SCARB1: variants seen among roughly 807,000 people sequenced by gnomAD.
SCARB1 encodes scavenger receptor class B member 1.
SCARB1 carries 30 observed loss-of-function variants against 57.2 expected under a neutral mutation model. The ratio of observed to expected loss-of-function variants is 0.52; its 90% CI spans 0.39 to 0.71. SCARB1 has a LOEUF of 0.71. Among genes scored for constraint, SCARB1 ranks in the 30% least tolerant of loss-of-function variants. The pLI is 0.00. For synonymous variants in SCARB1, 249 were observed against 268.3 expected (o/e 0.93, Z 0.70); for missense variants, 543 against 671.2 (o/e 0.81, Z 2.11).
intron 1 of SCARB1, among the ~76,000 whole-genome samples, chr12:124,855,636 G>A (rs775103090): frequency 2.0e-5 from 3 of 152,076 alleles, no homozygotes; most frequent in African/African-American, 2.4e-5. Flanking sequence ...TGAATTCTCC[G>A]CACAATTAAT....
Position 124,800,105 on chromosome 12 carries a change from G to A in SCARB1, c.1128+19C>T. 10 of 1,575,516 alleles carry A rather than the reference G, an allele frequency of 6.3e-6. No homozygotes were observed. The highest frequency in any genetic ancestry group is 1.4e-5 in the African/African-American group (1 of 73,994). On this transcript the variant is annotated intron_variant, in intron 8 of 12. Transcript: ENST00000261693. The surrounding 1 kb of genome is among the most constrained non-coding windows in gnomAD (Gnocchi z 4.8). ...AACCAGGAATCACCCACCCCCCACAGAGGATGGCAGGGGCTCACCGGGTGG... is the reference window on the plus strand; with the variant it reads ...AACCAGGAATCACCCACCCCCCACAAAGGATGGCAGGGGCTCACCGGGTGG...
intron 1 of SCARB1, among the ~76,000 whole-genome samples, chr12:124,858,702 A>G (rs10773114): frequency 0.61 from 92,077 of 151,488 alleles, 28,146 homozygotes; most frequent in East Asian, 0.7. Flanking sequence ...AAACAGTGAA[A>G]CCCCGTCTCC....
chr12:124,861,876 G>GCACACA (rs113876811), intron 1 of SCARB1, among the ~76,000 whole-genome samples: 15,898 of 151,392 alleles, frequency 0.11, 921 homozygotes, highest in Middle Eastern at 0.24. Flanking sequence ...CATGTGTGGT[G>GCACACA]CACACACACA....
rs1416604903 is a variant in SCARB1 at position 124,789,835 on chromosome 12, AC to A, written c.1203-2379del. Among the ~76,000 whole-genome samples the A allele has an allele frequency of 6.6e-6, 1 of 151,554 alleles. No homozygotes were observed. The highest frequency in any genetic ancestry group is 2.4e-5 in the African/African-American group (1 of 41,178). ...AGACCATCCTGGGCAACATGGTGAAACCCCATCTCTACTAAAAATATAAAAA... is the reference window on the plus strand; with the variant it reads ...AGACCATCCTGGGCAACATGGTGAAACCCATCTCTACTAAAAATATAAAAA... On this transcript the variant is annotated intron_variant, in intron 9 of 12. Coordinates refer to ENST00000261693, the MANE Select transcript of SCARB1 (RefSeq NM_005505.5). This position sits in a 1 kb window ranked among gnomAD's most constrained non-coding sequence, Gnocchi z 4.4.
chr12:124,838,946 T>C (rs1951801815), intron 1 of SCARB1, among the ~76,000 whole-genome samples: 2 of 152,122 alleles, frequency 1.3e-5, no homozygotes, highest in African/African-American at 4.8e-5. Context: ...GGCTAATTTT[T>C]GTATTTTTAG....
chr12:124,854,845 G>A (rs183305871), intron 1 of SCARB1, among the ~76,000 whole-genome samples: 1 of 152,264 alleles, frequency 6.6e-6, no homozygotes, highest in Non-Finnish European at 1.5e-5. Context: ...TTGACCCCGA[G>A]TTGAGATACG....
At chr12:124,803,710 AAAAAAT>A (rs1950220495) in intron 7 of SCARB1, among the ~76,000 whole-genome samples, 2 of 146,930 alleles carry the variant, frequency 1.4e-5, no homozygotes, top group South Asian at 2.2e-4. Flanking sequence ...AAAAAAAAAA[AAAAAAT>A]TGAAATAAGA....
At chr12:124,861,105 A>G (rs1952881429) in intron 1 of SCARB1, among the ~76,000 whole-genome samples, 2 of 152,154 alleles carry the variant, frequency 1.3e-5, no homozygotes, top group African/African-American at 4.8e-5. Flanking sequence ...ACGAGCAAGT[A>G]TTCATATATT....
Position 124,789,346 on chromosome 12 carries a change from T to C in SCARB1, c.1203-1889A>G, listed in dbSNP as rs770821475. ...ATACCTGACCAGTGCTTCTCAAAAG[T>C]GTCACTGTCATCAAAATGAAGGAGA... On this transcript the variant is annotated intron_variant, in intron 9 of 12. Transcript: ENST00000261693. This position sits in a 1 kb window ranked among gnomAD's most constrained non-coding sequence, Gnocchi z 4.4. Among the ~76,000 whole-genome samples, 1 of 152,164 alleles carries C rather than the reference T, an allele frequency of 6.6e-6. No individual in the cohort carries two copies. The highest frequency in any genetic ancestry group is 1.5e-5 in the Non-Finnish European group (1 of 68,036).
At chr12:124,857,349 G>C (rs1293709914) in intron 1 of SCARB1, among the ~76,000 whole-genome samples, 2 of 152,250 alleles carry the variant, frequency 1.3e-5, no homozygotes. Flanking sequence ...CCCATTGACT[G>C]TTATCTCCCA....
intron 7 of SCARB1, among the ~76,000 whole-genome samples, chr12:124,802,952 G>A (rs567786795): frequency 2.0e-5 from 3 of 152,172 alleles, no homozygotes; most frequent in African/African-American, 4.8e-5. Context: ...GGTCACGGTC[G>A]AAAAACAGGA....
intron 1 of SCARB1, among the ~76,000 whole-genome samples, chr12:124,824,813 T>C (rs1951073375): frequency 6.6e-6 from 1 of 152,234 alleles, no homozygotes; most frequent in Admixed American, 6.5e-5. Flanking sequence ...GGCCACGACC[T>C]GCACACCCAC....
chr12:124,838,433 G>T (rs1452285317), intron 1 of SCARB1, among the ~76,000 whole-genome samples: 3 of 152,188 alleles, frequency 2.0e-5, no homozygotes, highest in Non-Finnish European at 2.9e-5. Flanking sequence ...ACATGCCTCA[G>T]GGAACTATTG....
chr12:124,860,191 A>T (rs545736258), intron 1 of SCARB1, among the ~76,000 whole-genome samples: 2 of 152,144 alleles, frequency 1.3e-5, no homozygotes, highest in African/African-American at 2.4e-5. Flanking sequence ...ACCTCAGGTG[A>T]TCCGGTGAAT....
Position 124,817,764 on chromosome 12 carries a change from A to T in SCARB1, c.127-57T>A. The T allele has an allele frequency of 6.3e-7, 1 of 1,594,022 alleles. No individual in the cohort carries two copies. Among genetic ancestry groups the T allele is most frequent in the African/African-American group, 1.3e-5 (1 of 74,560 alleles). On this transcript the variant is annotated intron_variant, in intron 1 of 12. Coordinates refer to ENST00000261693, the MANE Select transcript of SCARB1 (RefSeq NM_005505.5). The surrounding 1 kb of genome is among the most constrained non-coding windows in gnomAD (Gnocchi z 4.8). Reference sequence around the variant, plus strand: ...GAGAGTGATGAGGGCCCCACGCCCCACCACAAGGCTCCGGAACAGCTGCCC... The same window carrying T: ...GAGAGTGATGAGGGCCCCACGCCCCTCCACAAGGCTCCGGAACAGCTGCCC...
intron 9 of SCARB1, among the ~76,000 whole-genome samples, chr12:124,788,294 C>T (rs1310315691): frequency 6.6e-6 from 1 of 152,192 alleles, no homozygotes; most frequent in East Asian, 1.9e-4. Flanking sequence ...ATCCATTGGT[C>T]CCTTTTAGAA....
At chr12:124,829,918 C>A (rs1951320145) in intron 1 of SCARB1, among the ~76,000 whole-genome samples, 1 of 152,198 alleles carries the variant, frequency 6.6e-6, no homozygotes. Flanking sequence ...TCTGAAATTT[C>A]TATGTAGTTG....
At chr12:124,785,958 G>T in intron 11 of SCARB1, 1 of 1,085,416 alleles carries the variant, frequency 9.2e-7, no homozygotes, top group Non-Finnish European at 1.3e-6. Flanking sequence ...CGGCTGGGAT[G>T]CCAGCCCCCC....
chr12:124,844,742 G>A (rs1316321685), intron 1 of SCARB1, among the ~76,000 whole-genome samples: 2 of 152,066 alleles, frequency 1.3e-5, no homozygotes, highest in Admixed American at 6.5e-5. Flanking sequence ...CAGACTTCCG[G>A]CCTCCAGAAC....
Sources: gnomAD v4.1 joint callset for allele counts (sites outside exome capture counted in the v4.1 genomes callset) on GRCh38, gnomAD v4.1.1 for gene constraint, Gnocchi (gnomAD v3.1) non-coding constraint, MANE v1.5 for transcripts, NCBI Gene and HGNC (gene_info 2026-07-23, HGNC 2026-07-21) for gene names.